Variants in GPR19 observed in about 807,000 individuals in gnomAD.
GPR19 encodes probable G protein-coupled receptor 19.
Under a neutral mutation model 28.5 loss-of-function variants are expected in GPR19, and 14 were observed. The observed-to-expected ratio is 0.49, with a 90% CI of 0.32 to 0.77. GPR19 has a LOEUF of 0.77. Ranked by LOEUF, GPR19 falls within the 30% of genes least tolerant of loss-of-function variation. The pLI is 0.03. For missense variants in GPR19, 409 were observed against 504.1 expected, an observed-to-expected ratio of 0.81 and a Z score of 1.81; for synonymous variants, 173 against 184.1, an observed-to-expected ratio of 0.94 and a Z score of 0.49.
chr12:12,667,153 G>A (rs115410955), intron 3 of GPR19, among the ~76,000 whole-genome samples: 4,857 of 152,258 alleles, frequency 0.032, 114 homozygotes, highest in Middle Eastern at 0.088. Context: ...TCCATATGCA[G>A]TAATTTTAGC....
intron 2 of GPR19, among the ~76,000 whole-genome samples, chr12:12,694,188 C>CTTTT (rs147543699): frequency 1.4e-4 from 6 of 43,810 alleles, no homozygotes; most frequent in African/African-American, 5.5e-4. Flanking sequence ...GAGTACCTGT[C>CTTTT]TTTTTTTTTT....
chr12:12,709,697 C>A, the GPR19 span, among the ~76,000 whole-genome samples: 1 of 152,198 alleles, frequency 6.6e-6, no homozygotes, highest in South Asian at 2.1e-4. Flanking sequence ...CCTCAACCTC[C>A]CAAAGTGTTG....
At chr12:12,666,003 C>A (rs1283307619) in intron 3 of GPR19, among the ~76,000 whole-genome samples, 2 of 151,954 alleles carry the variant, frequency 1.3e-5, no homozygotes, top group African/African-American at 2.4e-5. Flanking sequence ...GGAAAGGCTT[C>A]ACAGAAGAGG....
chr12:12,673,670 C>G (rs1035621774), intron 3 of GPR19, among the ~76,000 whole-genome samples: 2 of 152,044 alleles, frequency 1.3e-5, no homozygotes, highest in African/African-American at 4.8e-5. Flanking sequence ...AGTGCAAAGA[C>G]CCTGGTGTAG....
At chr12:12,665,378 A>G (rs1332852791) in intron 3 of GPR19, among the ~76,000 whole-genome samples, 1 of 152,030 alleles carries the variant, frequency 6.6e-6, no homozygotes, top group African/African-American at 2.4e-5. Flanking sequence ...CCCCAGCCCA[A>G]CCACTTGGAA....
chr12:12,665,819 CAAAAAAAAAAAAAAA>C lies in GPR19; in HGVS notation c.-22-3364_-22-3350del, dbSNP rs528302150. Among the ~76,000 whole-genome samples, 51 of 75,730 alleles carry C rather than the reference CAAAAAAAAAAAAAAA, an allele frequency of 6.7e-4. 1 individual carries two copies. The highest frequency in any genetic ancestry group is 1.5e-4 in the Non-Finnish European group (7 of 45,982). 49.7% of individuals were successfully genotyped at this position (75,730 alleles called of 152,430 possible). ...TGGGGCACAAAGCCAGACTCCGTCT[CAAAAAAAAAAAAAAA>C]AAAAAAAAAAAAAAGAAAACAAAGA... On this transcript the variant is annotated intron_variant, in intron 3 of 3. Transcript: ENST00000651487.
At chr12:12,700,153 C>CGCTT (rs1224446328), upstream of GPR19, among the ~76,000 whole-genome samples, 37 of 21,054 alleles carry the variant, frequency 1.8e-3, no homozygotes, top group Admixed American at 5.6e-3. Context: ...TTTTTTCTCT[C>CGCTT]TCTTTCTTTC....
intron 3 of GPR19, among the ~76,000 whole-genome samples, chr12:12,665,815 G>A (rs577210131): frequency 0.015 from 1,046 of 67,868 alleles, 16 homozygotes; most frequent in African/African-American, 0.062. Context: ...GCCAGACTCC[G>A]TCTCAAAAAA....
chr12:12,688,544 G>T (rs1240080865), intron 2 of GPR19: 1 of 152,180 alleles, frequency 6.6e-6, no homozygotes, highest in East Asian at 1.9e-4. Flanking sequence ...CAGGGTAAGG[G>T]ATTTCTGCCT....
In GPR19 at chr12:12,675,096, G is replaced by A. The variant is rs74843138; in HGVS notation, c.-23+9255C>T. On this transcript the variant is annotated intron_variant, in intron 3 of 3. Transcript: ENST00000651487. ...CAACATGCCGCCTTGGGTCCCAGCC[G>A]TGTTCCAGGTCCTTAACAACGTTCT... Among the ~76,000 whole-genome samples, 304 of 152,306 alleles carry A rather than the reference G, an allele frequency of 2.0e-3. 4 individuals carry two copies. The East Asian group carries it at 0.02, about 10-fold the overall frequency.
chr12:12,662,202 T>A lies in GPR19; in HGVS notation c.247A>T (p.Asn83Tyr). Residue 83 changes from asparagine (N) to tyrosine (Y), a missense_variant, in exon 4 of 4, where the codon AAT (asparagine) becomes TAT (tyrosine). Asn to Tyr is a moderately radical substitution (Grantham distance 143). Transcript: ENST00000651487. ...TGGATGACCAAACAAACCAGGGAATTGCCGAAGATAGAAAACAACCACAGA... is the reference window on the plus strand; with the variant it reads ...TGGATGACCAAACAAACCAGGGAATAGCCGAAGATAGAAAACAACCACAGA... ...GILWLFSIFG[N>Y]SLVCLVIHRS... The A allele has an allele frequency of 6.2e-7, 1 of 1,614,190 alleles. No homozygotes were observed. Among genetic ancestry groups the A allele is most frequent in the Non-Finnish European group, 8.5e-7 (1 of 1,180,038 alleles).
At chr12:12,692,753 G>A (rs12302601) in intron 2 of GPR19, among the ~76,000 whole-genome samples, 23,127 of 149,648 alleles carry the variant, frequency 0.15, 2,034 homozygotes, top group Admixed American at 0.27. Context: ...TTTGCTTTCT[G>A]AGCAAAAGTA....
the GPR19 span, among the ~76,000 whole-genome samples, chr12:12,716,532 G>A: frequency 1.3e-5 from 2 of 152,046 alleles, no homozygotes; most frequent in Admixed American, 6.6e-5. Context: ...TGGGCCAGGG[G>A]TGTACCCTCG....
At chr12:12,688,344 C>T (rs558158450) in intron 2 of GPR19, among the ~76,000 whole-genome samples, 25 of 149,164 alleles carry the variant, frequency 1.7e-4, no homozygotes, top group Admixed American at 1.1e-3. Context: ...CATATAATGT[C>T]GAGTTTTTTT....
At chr12:12,708,155 A>ATGCCCAGCT in the GPR19 span, among the ~76,000 whole-genome samples, 2 of 151,822 alleles carry the variant, frequency 1.3e-5, no homozygotes, top group Admixed American at 6.6e-5. Context: ...ATGTGCCACC[A>ATGCCCAGCT]TGCCCAGCTA....
At chr12:12,716,609 T>G in the GPR19 span, 3 of 188,172 alleles carry the variant, frequency 1.6e-5, no homozygotes, top group African/African-American at 9.3e-5. Context: ...GACTAGAGTT[T>G]TTTGTTTTTT....
At chr12:12,716,650 C>A in the GPR19 span, 5 of 481,466 alleles carry the variant, frequency 1.0e-5, no homozygotes, top group African/African-American at 2.2e-5. Context: ...TTCTTATTTT[C>A]ATTGAGGGAG....
At chr12:12,695,698 TA>T (rs1946251197) in intron 1 of GPR19, among the ~76,000 whole-genome samples, 187 bp from the exon 2 acceptor site, 1 of 152,204 alleles carries the variant, frequency 6.6e-6, no homozygotes, top group Non-Finnish European at 1.5e-5. Context: ...CACCATGTAC[TA>T]AATGCATGCC....
chr12:12,677,237 C>T (rs1415295020), intron 3 of GPR19, among the ~76,000 whole-genome samples: 3 of 143,508 alleles, frequency 2.1e-5, no homozygotes, highest in South Asian at 2.2e-4. Flanking sequence ...GACAGAGTCT[C>T]GTTCTGTCTC....
Sources: gnomAD v4.1 joint callset for allele counts (sites outside exome capture counted in the v4.1 genomes callset) on GRCh38, gnomAD v4.1.1 for gene constraint, MANE v1.5 for transcripts, NCBI Gene and HGNC (gene_info 2026-07-23, HGNC 2026-07-21) for gene names.